Variants in ATM observed in about 807,000 individuals in gnomAD.
The protein encoded by ATM is serine-protein kinase ATM.
Under a neutral mutation model 387.0 loss-of-function variants are expected in ATM, and 308 were observed. That is an observed-to-expected ratio of 0.80 (90% CI 0.73 to 0.87). The LOEUF is 0.87. Among genes scored for constraint, ATM ranks in the 40% least tolerant of loss-of-function variants. The pLI is 0.00. For synonymous variants in ATM, 1,156 were observed against 1,187.3 expected, an observed-to-expected ratio of 0.97 and a Z score of 0.54; for missense variants, 3,312 against 3,560.9, an observed-to-expected ratio of 0.93 and a Z score of 1.78.
Position 108,301,658 on chromosome 11 carries a change from C to T in ATM, c.5188C>T (p.Arg1730Ter), listed in dbSNP as rs764389018. 6.2e-6 allele frequency: 10 copies of T among 1,613,228 alleles called. No homozygotes were observed. The highest frequency in any genetic ancestry group is 1.7e-5 in the Admixed American group (1 of 59,984). The change falls in exon 35 of 63, where the codon CGA becomes TGA. Residue 1730 changes from arginine (R) to a stop codon, truncating the protein, a stop_gained. Transcript: ENST00000675843. LOFTEE classifies it high-confidence loss of function. ...NTLVEDCVKV[R>*]SAAVTCLKNI... ...AATTGTTTTTTTCAGTGTCAAAGTT[C>T]GATCAGCAGCTGTTACCTGTTTGAA...
At chr11:108,267,450 T>C (rs1190676184) in intron 17 of ATM, 108 bp downstream of exon 17, 1 of 950,040 alleles carries the variant, frequency 1.1e-6, no homozygotes, top group Non-Finnish European at 1.7e-6. Context: ...TTTCTCTTAG[T>C]ATAGCCTTTT....
chr11:108,288,592 A>G (rs2082620148), intron 27 of ATM, among the ~76,000 whole-genome samples: 1 of 150,182 alleles, frequency 6.7e-6, no homozygotes, highest in African/African-American at 2.5e-5. Context: ...ATGTAATTTC[A>G]TGCTGTCTAA....
At chr11:108,309,505 C>T (rs1383257246) in intron 38 of ATM, among the ~76,000 whole-genome samples, 1 of 152,186 alleles carries the variant, frequency 6.6e-6, no homozygotes, top group Non-Finnish European at 1.5e-5. Flanking sequence ...GAAGATCACA[C>T]AGCTGGTAGT....
At chr11:108,287,026 A>G (rs896388954) in intron 26 of ATM, among the ~76,000 whole-genome samples, 5 of 152,182 alleles carry the variant, frequency 3.3e-5, no homozygotes, top group South Asian at 2.1e-4. Context: ...TAGATTAATG[A>G]AAAGTCCAAA....
At chr11:108,297,817 C>G (rs1414735809) in intron 33 of ATM, among the ~76,000 whole-genome samples, 1 of 151,898 alleles carries the variant, frequency 6.6e-6, no homozygotes, top group African/African-American at 2.4e-5. Context: ...TAAAAAGGCC[C>G]CTTTTGTACT....
intron 53 of ATM, 120 bp from the exon 54 acceptor site, chr11:108,333,766 C>A: frequency 1.2e-6 from 1 of 835,436 alleles, no homozygotes; most frequent in Non-Finnish European, 2.1e-6. Context: ...ATTTCTCAAT[C>A]AGAGCCTGAA....
intron 17 of ATM, among the ~76,000 whole-genome samples, chr11:108,267,598 C>G (rs1275792317): frequency 6.6e-6 from 1 of 152,042 alleles, no homozygotes; most frequent in East Asian, 1.9e-4. Context: ...GTGGCTCACG[C>G]TTGTAATCTC....
chr11:108,335,899 A>G lies in ATM; in HGVS notation c.8206A>G (p.Asn2736Asp), dbSNP rs1060501577. 6.2e-7 allele frequency: 1 copy of G among 1,614,086 alleles called. No individual in the cohort carries two copies. The highest frequency in any genetic ancestry group is 8.5e-7 in the Non-Finnish European group (1 of 1,179,966). ...CATGCAACAGGTCTTCCAGATGTGT[A>G]ATACATTACTGCAGAGAAACACGGA... Reference protein sequence around the residue: ...AVMQQVFQMCNTLLQRNTETR... With the variant: ...AVMQQVFQMCDTLLQRNTETR... The change falls in exon 56 of 63, where the codon AAT (asparagine) becomes GAT (aspartate). Residue 2736 changes from asparagine to aspartate, a missense_variant. Transcript: ENST00000675843.
intron 59 of ATM, among the ~76,000 whole-genome samples, chr11:108,352,277 A>T (rs973808070): frequency 2.0e-5 from 3 of 152,254 alleles, no homozygotes; most frequent in Admixed American, 1.3e-4. Flanking sequence ...GCTTGAAACA[A>T]ATTAAAATAT....
intron 42 of ATM, 136 bp downstream of exon 42, chr11:108,316,249 G>A: frequency 1.1e-6 from 1 of 933,684 alleles, no homozygotes; most frequent in South Asian, 1.4e-5. Flanking sequence ...AGAGGATTAG[G>A]CTAAACATTC....
chr11:108,283,081 G>C (rs2082320309), intron 25 of ATM, among the ~76,000 whole-genome samples: 1 of 152,200 alleles, frequency 6.6e-6, no homozygotes, highest in Non-Finnish European at 1.5e-5. Flanking sequence ...GGTCCTAGCT[G>C]TGCCAACAAC....
At chr11:108,288,027 C>T (rs1486990397) in intron 27 of ATM, among the ~76,000 whole-genome samples, 1 of 151,878 alleles carries the variant, frequency 6.6e-6, no homozygotes, top group Non-Finnish European at 1.5e-5. Context: ...ACACATTATT[C>T]CTAGTTCTCT....
chr11:108,243,852 T>C, intron 5 of ATM, 101 bp from the exon 6 acceptor site: 1 of 1,134,054 alleles, frequency 8.8e-7, no homozygotes. Flanking sequence ...TTTAAAATCC[T>C]TTTTCTGTAT....
Position 108,323,528 on chromosome 11 carries a change from TTTTTAAATAG to T in ATM, c.6573-1781_6573-1772del, listed in dbSNP as rs1332712899. Among the ~76,000 whole-genome samples, 4 of 152,266 alleles carry T rather than the reference TTTTTAAATAG, an allele frequency of 2.6e-5. No homozygotes were observed. The East Asian group carries it at 5.8e-4, about 22-fold the overall frequency. On this transcript the variant is annotated intron_variant, in intron 45 of 62. Coordinates refer to ENST00000675843, the MANE Select transcript of ATM (RefSeq NM_000051.4). ...GTAGTTAACAGTAATTTACTGTATA[TTTTTAAATAG>T]CTACAAAAGAAGATTTGGAATGTTT...
chr11:108,250,412 A>G (rs770303354), intron 9 of ATM, among the ~76,000 whole-genome samples: 1 of 152,114 alleles, frequency 6.6e-6, no homozygotes, highest in South Asian at 2.1e-4. Flanking sequence ...TGGCCTCCCA[A>G]AGTGCTGGGA....
chr11:108,309,084 T>G (rs1170846130), intron 38 of ATM: 1 of 1,402,914 alleles, frequency 7.1e-7, no homozygotes, highest in Admixed American at 2.0e-5. Flanking sequence ...GGAGAAAGTA[T>G]GAATGGGATA....
chr11:108,332,255 A>G (rs2086342974), intron 52 of ATM, among the ~76,000 whole-genome samples: 1 of 152,008 alleles, frequency 6.6e-6, no homozygotes, highest in South Asian at 2.1e-4. Flanking sequence ...GACACAGCAA[A>G]ACCCTGTCTC....
chr11:108,329,212 T>C lies in ATM; in HGVS notation c.7281T>C (p.Leu2427=), dbSNP rs1239369148. ...GAGCCAAAGAGGAAGTAGGTCTCCT[T>C]AGGGAACATAAAATTCAGACAAACA... ...LKRAKEEVGL[L]REHKIQTNRY... The change falls in exon 49 of 63, where the codon CTT becomes CTC. Residue 2427 remains leucine, a synonymous_variant. Transcript: ENST00000675843. 3.7e-6 allele frequency: 6 copies of C among 1,613,794 alleles called. No homozygotes were observed. The highest frequency in any genetic ancestry group is 4.2e-6 in the Non-Finnish European group (5 of 1,179,788).
chr11:108,362,694 CA>C (rs1333326228), intron 61 of ATM, among the ~76,000 whole-genome samples: 2 of 144,648 alleles, frequency 1.4e-5, no homozygotes, highest in Non-Finnish European at 3.0e-5. Flanking sequence ...TAAACTATCG[CA>C]AGAACAAAAA....
Sources: gnomAD v4.1 joint callset for allele counts (sites outside exome capture counted in the v4.1 genomes callset) on GRCh38, gnomAD v4.1.1 for gene constraint, MANE v1.5 for transcripts, NCBI Gene and HGNC (gene_info 2026-07-23, HGNC 2026-07-21) for gene names.